C9orf43: variants seen among roughly 807,000 people sequenced by gnomAD.
The protein encoded by C9orf43 is uncharacterized protein C9orf43.
A neutral mutation model predicts 59.1 loss-of-function variants in C9orf43; 45 were observed. The ratio of observed to expected loss-of-function variants is 0.76; its 90% CI spans 0.60 to 0.98. The LOEUF is 0.98. Among genes scored for constraint, C9orf43 ranks in the 50% least tolerant of loss-of-function variants. The pLI, the probability that C9orf43 is intolerant of heterozygous loss-of-function variation, is 0.00. For synonymous variants in C9orf43, 203 were observed against 196.8 expected (o/e 1.03, Z -0.26); for missense variants, 533 against 554.9 (o/e 0.96, Z 0.40).
chr9:113,428,785 TG>T lies in C9orf43; in HGVS notation c.1108-112del, dbSNP rs569251388. On this transcript the variant is annotated intron_variant, in intron 12 of 13. Transcript: ENST00000374165. Reference sequence around the variant, plus strand: ...AAAGCTTCTCTTCAGTCCCAAGAGGTGGGTCTCTGGCTCATCTTAGATGTTA... The same window carrying T: ...AAAGCTTCTCTTCAGTCCCAAGAGGTGGTCTCTGGCTCATCTTAGATGTTA... 4.1e-5 allele frequency: 36 copies of T among 869,180 alleles called. No individual in the cohort carries two copies. The South Asian group carries it at 5.1e-4, about 12-fold the overall frequency. 53.8% of individuals were successfully genotyped at this position (869,180 alleles called of 1,614,324 possible).
intron 12 of C9orf43, 146 bp downstream of exon 12, chr9:113,428,369 C>T: frequency 1.2e-6 from 1 of 839,412 alleles, no homozygotes; most frequent in South Asian, 1.6e-5. Flanking sequence ...CTTGAGGTCA[C>T]TTAATGCAGC....
intron 1 of C9orf43, among the ~76,000 whole-genome samples, chr9:113,411,419 C>T (rs959186838): frequency 1.4e-4 from 22 of 152,046 alleles, no homozygotes; most frequent in African/African-American, 4.8e-4. Context: ...CTACCTCAGC[C>T]TCCTTAGTAG....
chr9:113,417,737 G>A lies in C9orf43; in HGVS notation c.288-1371G>A, dbSNP rs553892040. Among the ~76,000 whole-genome samples the A allele has an allele frequency of 5.8e-4, 89 of 152,316 alleles. 1 individual carries two copies. The South Asian group carries it at 0.018, about 31-fold the overall frequency. On this transcript the variant is annotated intron_variant, in intron 3 of 13. Coordinates refer to ENST00000374165, the MANE Select transcript of C9orf43 (RefSeq NM_001278629.2). ...GAATAGCATATGCAAAGGCTTGGAG[G>A]CAAGAGGAAATTGTGTCTGTATCAG...
intron 10 of C9orf43, 76 bp downstream of exon 10, chr9:113,425,496 G>T: frequency 1.3e-6 from 2 of 1,529,688 alleles, no homozygotes; most frequent in Non-Finnish European, 1.8e-6. Flanking sequence ...TATGAAAGGT[G>T]GGGGTCTCCT....
Position 113,413,762 on chromosome 9 carries a change from A to C in C9orf43, c.155A>C (p.Lys52Thr). 6.2e-7 allele frequency: 1 copy of C among 1,613,588 alleles called. No homozygotes were observed. The highest frequency in any genetic ancestry group is 1.1e-5 in the South Asian group (1 of 90,934). Residue 52 changes from lysine to threonine, a missense_variant, in exon 3 of 14, where the codon AAA becomes ACA. Lys to Thr is a moderately conservative substitution (Grantham distance 78). Coordinates refer to ENST00000374165, the MANE Select transcript of C9orf43 (RefSeq NM_001278629.2). ...TTCTTCTGGTCTGCCTTCTTAGATAAACTCCCAGTGCTCACCGTGGTAGAC... is the reference window on the plus strand; with the variant it reads ...TTCTTCTGGTCTGCCTTCTTAGATACACTCCCAGTGCTCACCGTGGTAGAC... ...SCKTPLDAED[K>T]LPVLTVVDIL...
intron 5 of C9orf43, among the ~76,000 whole-genome samples, chr9:113,421,831 A>G (rs770159639): frequency 6.6e-6 from 1 of 152,116 alleles, no homozygotes; most frequent in Non-Finnish European, 1.5e-5. Context: ...CTCTATATAT[A>G]TGCATTTGTG....
intron 7 of C9orf43, 87 bp from the exon 8 acceptor site, chr9:113,424,079 T>C (rs963300896): frequency 6.2e-5 from 91 of 1,477,574 alleles, no homozygotes; most frequent in Non-Finnish European, 7.5e-5. Context: ...TGGAAATTTC[T>C]TGGAGCCCTT....
At chr9:113,429,059 G>A (rs1194518857) in intron 13 of C9orf43, 96 bp downstream of exon 13, 5 of 1,482,626 alleles carry the variant, frequency 3.4e-6, no homozygotes, top group Non-Finnish European at 4.7e-6. Context: ...TGAAGGCACA[G>A]TTCCTCTATC....
chr9:113,423,604 A>G (rs1007090165), intron 7 of C9orf43, 106 bp downstream of exon 7: 13 of 1,067,354 alleles, frequency 1.2e-5, no homozygotes, highest in South Asian at 1.6e-5. Context: ...GGAGAAAACT[A>G]TCACCCCGAT....
Position 113,423,364 on chromosome 9 carries a change from C to A in C9orf43, c.522C>A (p.Ser174=), listed in dbSNP as rs371411370. ...TTCTGGGTCTCTCTGGAAATCAGTC[C>A]GCAGGAACACGAGTAGGAACACCAG... ...KSFLGLSGNQ[S]AGTRVGTPGM... is the part of the protein sequence containing the mutation. The change falls in exon 7 of 14, where the codon TCC becomes TCA. Residue 174 remains serine (S), a synonymous_variant. Coordinates refer to ENST00000374165, the MANE Select transcript of C9orf43 (RefSeq NM_001278629.2). The A allele has an allele frequency of 6.2e-7, 1 of 1,613,888 alleles. No homozygotes were observed. The highest frequency in any genetic ancestry group is 2.2e-5 in the East Asian group (1 of 44,900).
At position 113,413,571 on chromosome 9, in the gene C9orf43, A is replaced by G. The variant is rs1828249307; in HGVS notation, c.78A>G (p.Ala26=). The G allele has an allele frequency of 2.5e-6, 4 of 1,614,222 alleles. No individual in the cohort carries two copies. The highest frequency in any genetic ancestry group is 3.3e-4 in the Middle Eastern group (2 of 6,062). The change falls in exon 2 of 14, where the codon GCA becomes GCG. Residue 26 remains alanine (A), a synonymous_variant. Coordinates refer to ENST00000374165, the MANE Select transcript of C9orf43 (RefSeq NM_001278629.2). ...LAVCQHPQCW[A]TIRRIERGHP... ...TTTGTCAGCACCCACAATGCTGGGC[A>G]ACTATCCGCCGCATTGAGAGGGGCC...
chr9:113,414,429 C>T (rs750204326), intron 3 of C9orf43, among the ~76,000 whole-genome samples: 3 of 151,960 alleles, frequency 2.0e-5, no homozygotes, highest in African/African-American at 4.8e-5. Context: ...TGTGCACCAC[C>T]ACGCCTGGTT....
intron 3 of C9orf43, 114 bp from the exon 4 acceptor site, chr9:113,418,994 G>A (rs1263130250): frequency 7.6e-6 from 6 of 790,060 alleles, no homozygotes; most frequent in Non-Finnish European, 1.2e-5. Context: ...CATTTGGTAA[G>A]CATTAAGCCC....
rs749623121 is a variant in C9orf43, at chr9:113,422,515, ATGTTTTGTTT to A, written c.447-17_447-8del. Reference sequence around the variant, plus strand: ...CTTATTTCAAGTCCAGCTGAGAAGCATGTTTTGTTTTGTTTTGTTTTGTTTTTCTCCAGCC... The same window carrying A: ...CTTATTTCAAGTCCAGCTGAGAAGCATGTTTTGTTTTGTTTTTCTCCAGCC... On this transcript the variant is annotated intron_variant, in intron 5 of 13. Coordinates refer to ENST00000374165, the MANE Select transcript of C9orf43 (RefSeq NM_001278629.2). The A allele has an allele frequency of 8.8e-5, 142 of 1,609,706 alleles. 1 individual carries two copies. The highest frequency in any genetic ancestry group is 3.9e-4 in the African/African-American group (29 of 74,904).
At chr9:113,424,685 G>A (rs577574456) in intron 8 of C9orf43, among the ~76,000 whole-genome samples, 26 of 151,920 alleles carry the variant, frequency 1.7e-4, no homozygotes, top group Admixed American at 1.4e-3. Context: ...CGCCACCATG[G>A]CTGGCTAATT....
chr9:113,424,465 A>T, intron 8 of C9orf43, 149 bp downstream of exon 8: 1 of 734,700 alleles, frequency 1.4e-6, no homozygotes, highest in South Asian at 2.1e-5. Context: ...GGCTCTATGT[A>T]TGTAAAAGCC....
At chr9:113,413,960 A>G in intron 3 of C9orf43, 66 bp downstream of exon 3, 1 of 1,495,340 alleles carries the variant, frequency 6.7e-7, no homozygotes, top group Non-Finnish European at 9.0e-7. Context: ...GATTTTCCTT[A>G]TCCATTAGTA....
In C9orf43 at chr9:113,428,763, G is replaced by A. The variant is rs568646926; in HGVS notation, c.1108-137G>A. The A allele has an allele frequency of 3.5e-5, 25 of 717,442 alleles. No individual in the cohort carries two copies. In the African/African-American group the frequency reaches 4.4e-4, roughly 13 times the overall value. The allele number at this position is 717,442 out of a possible 1,614,324, so 44.4% of individuals were successfully genotyped here. On this transcript the variant is annotated intron_variant, in intron 12 of 13. Transcript: ENST00000374165. ...GGAGGGCAAAGAACGTGTGGTAAAA[G>A]CTTCTCTTCAGTCCCAAGAGGTGGG... is the stretch of plus-strand genomic sequence containing the variant.
chr9:113,424,996 CTTTTTCT>C lies in C9orf43; in HGVS notation c.808-13_808-7del. ...GGGAAAGACCTGCAGTAGAGCTTTTCTTTTTCTTTTTTCTTTCTCCAGAGACCAGCAC... is the reference window on the plus strand; with the variant it reads ...GGGAAAGACCTGCAGTAGAGCTTTTCTTTTTCTTTCTCCAGAGACCAGCAC... On this transcript the variant is annotated splice_polypyrimidine_tract_variant and intron_variant, in intron 8 of 13. Transcript: ENST00000374165. The C allele has an allele frequency of 6.2e-7, 1 of 1,603,850 alleles. No individual in the cohort carries two copies. The highest frequency in any genetic ancestry group is 1.7e-5 in the Admixed American group (1 of 59,760).
Sources: gnomAD v4.1 joint callset for allele counts (sites outside exome capture counted in the v4.1 genomes callset) on GRCh38, gnomAD v4.1.1 for gene constraint, MANE v1.5 for transcripts, NCBI Gene and HGNC (gene_info 2026-07-23, HGNC 2026-07-21) for gene names.